Variants in CRKL observed in about 807,000 individuals in gnomAD.
CRKL encodes crk-like protein.
A neutral mutation model predicts 23.0 loss-of-function variants in CRKL; 3 were observed. The ratio of observed to expected loss-of-function variants is 0.13; its 90% confidence interval spans 0.06 to 0.34. CRKL has a LOEUF of 0.34. Among genes scored for constraint, CRKL ranks in the 10% least tolerant of loss-of-function variants. The pLI is 1.00. For missense variants in CRKL, 256 were observed against 394.5 expected, an observed-to-expected ratio of 0.65 and a Z score of 2.97; for synonymous variants, 188 against 160.7, an observed-to-expected ratio of 1.17 and a Z score of -1.28.
chr22:20,941,632 T>A (rs1921889936), intron 2 of CRKL, among the ~76,000 whole-genome samples: 1 of 132,570 alleles, frequency 7.5e-6, no homozygotes. Flanking sequence ...TCTTGCTCTG[T>A]CACCCAGGCT....
At chr22:20,939,833 G>A (rs1921802956) in intron 2 of CRKL, among the ~76,000 whole-genome samples, 1 of 149,654 alleles carries the variant, frequency 6.7e-6, no homozygotes, top group Non-Finnish European at 1.5e-5. Context: ...TTGTCGCCCA[G>A]GCTGGAGTGC....
chr22:20,919,500 G>A (rs1182927473), intron 1 of CRKL, among the ~76,000 whole-genome samples: 1 of 152,132 alleles, frequency 6.6e-6, no homozygotes, highest in Non-Finnish European at 1.5e-5. Flanking sequence ...AGTGAAATAC[G>A]TTATTTTAAT....
At chr22:20,943,303 G>A (rs1465113081) in intron 2 of CRKL, among the ~76,000 whole-genome samples, 4 of 151,980 alleles carry the variant, frequency 2.6e-5, no homozygotes, top group Middle Eastern at 3.4e-3. Flanking sequence ...TGGCACTCAC[G>A]ATCTCGACTC....
intron 2 of CRKL, among the ~76,000 whole-genome samples, chr22:20,947,974 G>C (rs1922129286): frequency 6.6e-6 from 1 of 152,094 alleles, no homozygotes; most frequent in South Asian, 2.1e-4. Context: ...GTGAGCCACT[G>C]CGCCCGGCCA....
chr22:20,937,479 G>C (rs1323502965), intron 2 of CRKL, among the ~76,000 whole-genome samples: 1 of 147,864 alleles, frequency 6.8e-6, no homozygotes, highest in African/African-American at 2.5e-5. Flanking sequence ...GTGTGCGTGC[G>C]TGTGTGCTCA....
chr22:20,947,190 AAT>A (rs1480133098), intron 2 of CRKL, among the ~76,000 whole-genome samples: 9 of 151,402 alleles, frequency 5.9e-5, no homozygotes, highest in African/African-American at 2.2e-4. Context: ...GCATTGAGTT[AAT>A]AGTGTTTTTC....
chr22:20,953,118 T>C lies in CRKL; in HGVS notation c.*3273T>C, dbSNP rs1215038712. 1 of 231,810 alleles carries C rather than the reference T, an allele frequency of 4.3e-6. No individual in the cohort carries two copies. The highest frequency in any genetic ancestry group is 8.5e-6 in the Non-Finnish European group (1 of 117,020). The allele number at this position is 231,810 out of a possible 1,614,324, so 14.4% of individuals were successfully genotyped here. ...TTATTTTTGAAAAGGGATGATGTGG[T>C]TTTTTGCCAGGTGTTTATAATTAAT... is the stretch of plus-strand genomic sequence containing the variant. On this transcript the variant is annotated 3_prime_UTR_variant, in exon 3 of 3. Coordinates refer to ENST00000354336, the MANE Select transcript of CRKL (RefSeq NM_005207.4).
At chr22:20,948,188 G>T (rs147195327) in intron 2 of CRKL, among the ~76,000 whole-genome samples, 1 of 152,300 alleles carries the variant, frequency 6.6e-6, no homozygotes, top group African/African-American at 2.4e-5. Flanking sequence ...ATTGGAAGGC[G>T]TGAGGTGTGA....
chr22:20,934,159 C>T lies in CRKL; in HGVS notation c.692C>T (p.Pro231Leu), dbSNP rs2147905799. ...GSPGAAITPLPSTQNGPVFAK... is the reference protein window; with the variant it reads ...GSPGAAITPLLSTQNGPVFAK... ...CCTGGGGCAGCAATCACCCCTTTGC[C>T]ATCCACACAGAATGGACCTGTCTTT... Residue 231 changes from proline to leucine, a missense_variant, in exon 2 of 3, where the codon CCA becomes CTA. By Grantham distance (98) the Pro-to-Leu change is moderately conservative (BLOSUM62 -3). This residue lies in a region of CRKL where 129 missense variants were observed against 222.1 expected (regional missense o/e 0.58). Coordinates refer to ENST00000354336, the MANE Select transcript of CRKL (RefSeq NM_005207.4). 1.2e-6 allele frequency: 2 copies of T among 1,614,214 alleles called. No individual in the cohort carries two copies. Among genetic ancestry groups the T allele is most frequent in the Non-Finnish European group, 8.5e-7 (1 of 1,180,052 alleles).
rs867971486 is a variant in CRKL at position 20,951,279 on chromosome 22, A to T, written c.*1434A>T. 1.7e-5 allele frequency: 4 copies of T among 232,536 alleles called. No individual in the cohort carries two copies. Among genetic ancestry groups the T allele is most frequent in the Middle Eastern group, 1.3e-3 (1 of 784 alleles). 14.4% of individuals were successfully genotyped at this position (232,536 alleles called of 1,614,324 possible). A position where few individuals can be genotyped will look rare whatever the true frequency, so the allele number is the denominator to read the frequency against. On this transcript the variant is annotated 3_prime_UTR_variant, in exon 3 of 3. Transcript: ENST00000354336. ...CTCACAGTCTAAGTAAGTGTCTGTG[A>T]TGCTCCCAAGCAAAGGAAATGCAAG...
chr22:20,948,975 T>A (rs551111066), intron 2 of CRKL, among the ~76,000 whole-genome samples: 39 of 152,324 alleles, frequency 2.6e-4, no homozygotes, highest in African/African-American at 8.7e-4. Flanking sequence ...GGTCTTTTTT[T>A]AAAATACACC....
chr22:20,952,886 T>G lies in CRKL; in HGVS notation c.*3041T>G, dbSNP rs1003697834. The G allele has an allele frequency of 1.3e-5, 3 of 231,166 alleles. No homozygotes were observed. In the Admixed American group the frequency reaches 1.7e-4, roughly 13 times the overall value. 14.3% of individuals were successfully genotyped at this position (231,166 alleles called of 1,614,324 possible). On this transcript the variant is annotated 3_prime_UTR_variant, in exon 3 of 3. Transcript: ENST00000354336. ...CGAGGAAGACGATGTGTTGACCGGC[T>G]GCCGTTTGAGGACTTTGGTCACCCA...
intron 2 of CRKL, among the ~76,000 whole-genome samples, chr22:20,938,381 T>C (rs1921741832): frequency 6.6e-6 from 1 of 152,204 alleles, no homozygotes; most frequent in Non-Finnish European, 1.5e-5. Context: ...AGATTTGATT[T>C]GAAGGGGAAT....
At chr22:20,921,266 A>G (rs746201588) in intron 1 of CRKL, among the ~76,000 whole-genome samples, 10 of 152,234 alleles carry the variant, frequency 6.6e-5, no homozygotes, top group Non-Finnish European at 1.2e-4. Flanking sequence ...TTGTAACAAT[A>G]ATGTCCTACT....
intron 2 of CRKL, among the ~76,000 whole-genome samples, chr22:20,935,187 A>G (rs1921607217): frequency 6.6e-6 from 1 of 152,092 alleles, no homozygotes; most frequent in African/African-American, 2.4e-5. Flanking sequence ...ATCTTGCCTC[A>G]TGGCAACGTC....
chr22:20,927,192 A>ATTTTTTTTTTTTTT (rs532930393), intron 1 of CRKL, among the ~76,000 whole-genome samples: 1,019 of 81,924 alleles, frequency 0.012, 101 homozygotes, highest in African/African-American at 0.015. Context: ...TTGGAATTGA[A>ATTTTTTTTTTTTTT]TTTTTTTTTT....
intron 1 of CRKL, among the ~76,000 whole-genome samples, chr22:20,933,327 G>C (rs969067572): frequency 2.0e-5 from 3 of 151,622 alleles, no homozygotes; most frequent in African/African-American, 7.3e-5. Flanking sequence ...CTGAGATCCT[G>C]CCACTGCACT....
intron 2 of CRKL, among the ~76,000 whole-genome samples, chr22:20,940,158 G>A (rs1921818993): frequency 6.6e-6 from 1 of 152,038 alleles, no homozygotes; most frequent in African/African-American, 2.4e-5. Flanking sequence ...CTAACTGCAG[G>A]TTTTGTAAAA....
At chr22:20,941,149 G>A (rs753297329) in intron 2 of CRKL, among the ~76,000 whole-genome samples, 49 of 151,968 alleles carry the variant, frequency 3.2e-4, no homozygotes, top group Non-Finnish European at 6.5e-4. Context: ...CTCACCTCAC[G>A]TCACATTCTA....
Sources: gnomAD v4.1 joint callset for allele counts (sites outside exome capture counted in the v4.1 genomes callset) on GRCh38, gnomAD v4.1.1 for gene constraint, gnomAD v4.1.1 regional missense constraint, MANE v1.5 for transcripts, NCBI Gene and HGNC (gene_info 2026-07-23, HGNC 2026-07-21) for gene names.